The following STX5 variants were observed in gnomAD, a reference collection of about 807,000 sequenced individuals.
STX5 encodes the protein syntaxin 5.
In STX5, 15 loss-of-function variants were observed where a neutral mutation model predicts 42.9. The ratio of observed to expected loss-of-function variants is 0.35; its 90% CI spans 0.23 to 0.54. The LOEUF is 0.54. Among genes scored for constraint, STX5 ranks in the 20% least tolerant of loss-of-function variants. The pLI, the probability that STX5 is intolerant of heterozygous loss-of-function variation, is 0.91. For missense variants in STX5, 430 were observed against 455.0 expected, an observed-to-expected ratio of 0.95 and a Z score of 0.50; for synonymous variants, 184 against 173.2, an observed-to-expected ratio of 1.06 and a Z score of -0.49.
At position 62,824,558 on chromosome 11, in the gene STX5, A is replaced by C; in HGVS notation, c.687T>G (p.Gly229=). The change falls in exon 9 of 11, where the codon GGT becomes GGG. Residue 229 remains glycine (G), a synonymous_variant. Coordinates refer to ENST00000294179, the MANE Select transcript of STX5 (RefSeq NM_003164.5). The part of the protein sequence containing the change: ...LPLAPNHLGG[G]AVVLGAESHA... ...GGGACTCTGCCCCCAGAACCACAGC[A>C]CCACCGCCTGGGGGAGAAAACAGGA... The C allele has an allele frequency of 1.2e-6, 2 of 1,614,118 alleles. No individual in the cohort carries two copies. Among genetic ancestry groups the C allele is most frequent in the Non-Finnish European group, 1.7e-6 (2 of 1,180,022 alleles).
At chr11:62,816,490 A>G (rs896653066) in intron 10 of STX5, among the ~76,000 whole-genome samples, 1 of 152,178 alleles carries the variant, frequency 6.6e-6, no homozygotes, top group Admixed American at 6.6e-5. Context: ...TATGTTGCCT[A>G]GGCTGGTCCT....
intron 10 of STX5, among the ~76,000 whole-genome samples, chr11:62,817,220 G>A (rs1416495515): frequency 6.6e-6 from 1 of 152,058 alleles, no homozygotes; most frequent in Non-Finnish European, 1.5e-5. Flanking sequence ...GAGCCACCAT[G>A]GCTAGCTTCA....
chr11:62,812,227 G>A (rs1258226944), intron 10 of STX5, among the ~76,000 whole-genome samples: 5 of 151,422 alleles, frequency 3.3e-5, no homozygotes, highest in African/African-American at 4.9e-5. Context: ...ACAGGCATGC[G>A]CCACCATGCC....
At chr11:62,818,558 T>A in intron 10 of STX5, among the ~76,000 whole-genome samples, 1 of 113,792 alleles carries the variant, frequency 8.8e-6, no homozygotes, top group Non-Finnish European at 1.7e-5. Context: ...GCAAAAACTC[T>A]GTCTCAGAAA....
chr11:62,830,764 C>T (rs868458899), intron 2 of STX5, among the ~76,000 whole-genome samples: 1 of 152,170 alleles, frequency 6.6e-6, no homozygotes, highest in Non-Finnish European at 1.5e-5. Context: ...CAGCCAAGTA[C>T]TCTCTGAAGT....
chr11:62,816,859 C>T (rs2084679472), intron 10 of STX5, among the ~76,000 whole-genome samples: 1 of 151,264 alleles, frequency 6.6e-6, no homozygotes, highest in Non-Finnish European at 1.5e-5. Flanking sequence ...TGCGCCACTA[C>T]ACTCCAGCCT....
intron 10 of STX5, among the ~76,000 whole-genome samples, chr11:62,822,701 A>G (rs1446833807): frequency 1.1e-5 from 1 of 91,068 alleles, no homozygotes. Flanking sequence ...GGCATTTACG[A>G]CCTTTTTTTT....
rs866986139 is a variant in STX5 at position 62,832,015 on chromosome 11, C to A, written c.-81G>T. 1 of 474,262 alleles carries A rather than the reference C, an allele frequency of 2.1e-6. No homozygotes were observed. Among genetic ancestry groups the A allele is most frequent in the Admixed American group, 2.3e-5 (1 of 43,056 alleles). The allele number at this position is 474,262 out of a possible 1,614,324, so 29.4% of individuals were successfully genotyped here. ...TCTCACCGGCCGTCACTGCCTCCTC[C>A]CCGAGCACTGAAGCCGCCGAAACCC... On this transcript the variant is annotated 5_prime_UTR_variant, in exon 1 of 11. Transcript: ENST00000294179.
At chr11:62,811,301 C>G (rs2084614207) in intron 10 of STX5, among the ~76,000 whole-genome samples, 1 of 152,218 alleles carries the variant, frequency 6.6e-6, no homozygotes, top group Admixed American at 6.5e-5. Context: ...TGTCATTTAG[C>G]TGTCCCATGA....
intron 9 of STX5, 28 bp from the exon 10 acceptor site, chr11:62,824,315 C>A: frequency 6.2e-7 from 1 of 1,614,118 alleles, no homozygotes; most frequent in Non-Finnish European, 8.5e-7. Flanking sequence ...AGCACATGAG[C>A]ACCAACAGCT....
At chr11:62,808,219 A>G (rs1337056088) in intron 10 of STX5, among the ~76,000 whole-genome samples, 1 of 152,170 alleles carries the variant, frequency 6.6e-6, no homozygotes, top group Non-Finnish European at 1.5e-5. Flanking sequence ...TGAGCTCACG[A>G]GTTTGAGACC....
chr11:62,810,277 CAAAAAAATTT>C (rs943055358), intron 10 of STX5, among the ~76,000 whole-genome samples: 1 of 151,590 alleles, frequency 6.6e-6, no homozygotes, highest in Non-Finnish European at 1.5e-5. Flanking sequence ...TCTGTCTCTA[CAAAAAAATTT>C]AAAAATTAGC....
chr11:62,825,236 G>C, intron 7 of STX5, 47 bp downstream of exon 7: 6 of 1,612,980 alleles, frequency 3.7e-6, no homozygotes, highest in Non-Finnish European at 5.1e-6. Context: ...TTCCCTCTTG[G>C]ATCTTTACTC....
At chr11:62,820,955 A>G (rs1404940140) in intron 10 of STX5, among the ~76,000 whole-genome samples, 5 of 152,116 alleles carry the variant, frequency 3.3e-5, no homozygotes, top group Admixed American at 6.6e-5. Flanking sequence ...TTTTATTTCA[A>G]TGGTTGCTCT....
intron 10 of STX5, among the ~76,000 whole-genome samples, chr11:62,822,449 C>G (rs971946833): frequency 6.6e-6 from 1 of 152,176 alleles, no homozygotes; most frequent in Non-Finnish European, 1.5e-5. Flanking sequence ...AGAGGTCTCA[C>G]AGTTCCCCTC....
chr11:62,825,547 A>G lies in STX5; in HGVS notation c.424-8T>C. ...GTTGAGGCTATTGATGTCCTGGTAA[A>G]AGAGTCCAAGGAAAAACAAAGTATT... On this transcript the variant is annotated splice_region_variant and splice_polypyrimidine_tract_variant and intron_variant, in intron 5 of 10. Transcript: ENST00000294179. The G allele has an allele frequency of 6.2e-7, 1 of 1,612,704 alleles. No individual in the cohort carries two copies. Among genetic ancestry groups the G allele is most frequent in the Non-Finnish European group, 8.5e-7 (1 of 1,179,564 alleles).
intron 10 of STX5, among the ~76,000 whole-genome samples, chr11:62,822,651 A>G (rs936287710): frequency 2.1e-5 from 3 of 145,520 alleles, no homozygotes; most frequent in African/African-American, 7.6e-5. Flanking sequence ...GGCACTCCTG[A>G]TTAGTTTATC....
At chr11:62,809,673 CAAAAAAAAAAAAAAAAAAAA>C (rs749188946) in intron 10 of STX5, among the ~76,000 whole-genome samples, 1 of 19,178 alleles carries the variant, frequency 5.2e-5, no homozygotes, top group African/African-American at 1.4e-4. Context: ...GACTCTGTCT[CAAAAAAAAAAAAAAAAAAAA>C]AAAAAAAAAA....
chr11:62,823,743 T>G (rs1349662965), intron 10 of STX5, among the ~76,000 whole-genome samples: 2 of 152,004 alleles, frequency 1.3e-5, no homozygotes, highest in African/African-American at 4.8e-5. Context: ...GACAGGGTCT[T>G]GCTTTGTTGC....
Sources: allele counts gnomAD v4.1 joint callset (sites outside exome capture counted in the v4.1 genomes callset), GRCh38; gene constraint gnomAD v4.1.1; transcripts MANE v1.5; gene names NCBI Gene and HGNC (gene_info 2026-07-23, HGNC 2026-07-21).